Variants in MORN5 observed in about 807,000 individuals in gnomAD.
The protein encoded by MORN5 is MORN repeat-containing protein 5.
Under a neutral mutation model 22.1 loss-of-function variants are expected in MORN5, and 21 were observed. That is an observed-to-expected ratio of 0.95 (90% CI 0.67 to 1.37). The LOEUF is 1.37. Ranked by LOEUF, MORN5 falls within the 40% of genes most tolerant of loss-of-function variation. The pLI, the probability that MORN5 is intolerant of heterozygous loss-of-function variation, is 0.00. For missense variants in MORN5, 211 were observed against 215.1 expected (o/e 0.98, Z 0.12); for synonymous variants, 73 against 74.0 (o/e 0.99, Z 0.07).
chr9:122,174,987 C>T, intron 4 of MORN5: 1 of 544,106 alleles, frequency 1.8e-6, no homozygotes, highest in Non-Finnish European at 2.3e-6. Flanking sequence ...GACACAGCCC[C>T]CCTTCCTTGT....
chr9:122,189,440 A>T (rs935811400), intron 4 of MORN5, among the ~76,000 whole-genome samples: 1 of 151,846 alleles, frequency 6.6e-6, no homozygotes, highest in African/African-American at 2.4e-5. Flanking sequence ...CAAAAAAAAG[A>T]TTTTTTTAAA....
In MORN5 at chr9:122,166,933, C is replaced by T. The variant is rs775334257; in HGVS notation, c.195+18C>T. On this transcript the variant is annotated intron_variant, in intron 2 of 4. Coordinates refer to ENST00000373764, the MANE Select transcript of MORN5 (RefSeq NM_198469.4). ...CCATAAAGGTGATCAGCTGGGGGGA[C>T]GGATGCTGTGGAGGAGAGATCCTCA... 4.4e-5 allele frequency: 70 copies of T among 1,606,886 alleles called. 1 individual carries two copies. Among genetic ancestry groups the T allele is most frequent in the South Asian group, 3.0e-4 (27 of 89,824 alleles).
At chr9:122,174,677 G>C (rs1240380460) in intron 4 of MORN5, 50 bp downstream of exon 4, 1 of 1,612,642 alleles carries the variant, frequency 6.2e-7, no homozygotes, top group East Asian at 2.2e-5. Context: ...CCACATATGA[G>C]TATGTGCATC....
At chr9:122,186,919 G>T (rs1301559935) in intron 4 of MORN5, among the ~76,000 whole-genome samples, 1 of 152,192 alleles carries the variant, frequency 6.6e-6, no homozygotes, top group African/African-American at 2.4e-5. Flanking sequence ...GGCGGACAGG[G>T]TCACAGGCAG....
At chr9:122,199,604 C>T (rs1829967971) in intron 4 of MORN5, among the ~76,000 whole-genome samples, 1 of 152,222 alleles carries the variant, frequency 6.6e-6, no homozygotes, top group Admixed American at 6.5e-5. Flanking sequence ...CAGCTGCTCT[C>T]TGCCTGTCAG....
At chr9:122,165,395 C>CAAAAAAA (rs59306308) in intron 1 of MORN5, among the ~76,000 whole-genome samples, 7 of 82,992 alleles carry the variant, frequency 8.4e-5, no homozygotes, top group African/African-American at 2.9e-4. Context: ...CCCGTCTCTA[C>CAAAAAAA]AAAAAAAAAA....
chr9:122,198,410 G>A (rs1344111636), intron 4 of MORN5, among the ~76,000 whole-genome samples: 2 of 152,190 alleles, frequency 1.3e-5, no homozygotes, highest in African/African-American at 4.8e-5. Context: ...CTCTTAGGCA[G>A]GAGGCACTGG....
chr9:122,176,859 T>A (rs1356824474), intron 4 of MORN5, among the ~76,000 whole-genome samples: 1 of 152,046 alleles, frequency 6.6e-6, no homozygotes, highest in Non-Finnish European at 1.5e-5. Context: ...GCCCGGGTGA[T>A]AGTGTGATTC....
chr9:122,173,280 G>A (rs1018528147), intron 3 of MORN5, among the ~76,000 whole-genome samples: 3 of 152,182 alleles, frequency 2.0e-5, no homozygotes, highest in East Asian at 1.9e-4. Context: ...AGGGCAACTC[G>A]CCCTGCCTGC....
chr9:122,175,794 A>T, intron 4 of MORN5: 1 of 785,858 alleles, frequency 1.3e-6, no homozygotes, highest in Non-Finnish European at 1.5e-6. Context: ...AGTGATGACC[A>T]GAAAGGTGCC....
chr9:122,174,900 A>C (rs541826944), intron 4 of MORN5: 1 of 1,265,162 alleles, frequency 7.9e-7, no homozygotes, highest in Non-Finnish European at 1.0e-6. Context: ...TTTTGTATGC[A>C]TTCCTTCGAT....
intron 3 of MORN5, among the ~76,000 whole-genome samples, chr9:122,173,631 A>G (rs1829398880): frequency 6.6e-6 from 1 of 152,030 alleles, no homozygotes; most frequent in Non-Finnish European, 1.5e-5. Context: ...ATTTATTCCA[A>G]CCTCTCCCTT....
chr9:122,164,388 G>T (rs931821731), intron 1 of MORN5, among the ~76,000 whole-genome samples: 2 of 152,212 alleles, frequency 1.3e-5, no homozygotes, highest in South Asian at 2.1e-4. Flanking sequence ...CAGTGAAGCT[G>T]CAGGAAAGAG....
At chr9:122,172,470 A>G (rs1375186024) in intron 3 of MORN5, among the ~76,000 whole-genome samples, 2 of 152,078 alleles carry the variant, frequency 1.3e-5, no homozygotes, top group Non-Finnish European at 2.9e-5. Context: ...TGTTTCTCAA[A>G]GAGACCACAC....
At chr9:122,174,876 A>G in intron 4 of MORN5, 1 of 1,298,908 alleles carries the variant, frequency 7.7e-7, no homozygotes, top group Non-Finnish European at 9.8e-7. Flanking sequence ...CACTGAAAGG[A>G]TTAAGGTACT....
In MORN5 at chr9:122,172,939, A is replaced by G. The variant is rs143613310; in HGVS notation, c.308-1557A>G. Among the ~76,000 whole-genome samples the G allele has an allele frequency of 4.7e-3, 720 of 152,310 alleles. 8 individuals are homozygous for G. Among genetic ancestry groups the G allele is most frequent in the Non-Finnish European group, 5.6e-3 (380 of 68,016 alleles). On this transcript the variant is annotated intron_variant, in intron 3 of 4. Coordinates refer to ENST00000373764, the MANE Select transcript of MORN5 (RefSeq NM_198469.4). ...TCATCTCTCCCTTCAAAGAGCTGCC[A>G]GTCTAGCTGCAGCTTGAGAACCTTG...
intron 2 of MORN5, 109 bp downstream of exon 2, chr9:122,167,024 C>A: frequency 3.0e-6 from 3 of 1,013,066 alleles, no homozygotes; most frequent in Non-Finnish European, 4.1e-6. Context: ...GTTCCATTCA[C>A]TCTTCTCTTT....
intron 2 of MORN5, 29 bp downstream of exon 2, chr9:122,166,944 G>A (rs1194826239): frequency 1.9e-6 from 3 of 1,602,284 alleles, no homozygotes; most frequent in East Asian, 2.2e-5. Flanking sequence ...GGATGCTGTG[G>A]AGGAGAGATC....
rs575241607 is a variant in MORN5 at position 122,199,418 on chromosome 9, G to C, written c.440-467G>C. ...ACTGAAAGGCCTGGAGTAAACAAGA[G>C]GGTGTTAGTCCCCTGGAGAAACCAT... On this transcript the variant is annotated intron_variant, in intron 4 of 4. Transcript: ENST00000373764. 2.6e-5 allele frequency among the ~76,000 whole-genome samples: 4 copies of C among 152,300 alleles called. No homozygotes were observed. In the East Asian group the frequency reaches 7.7e-4, roughly 29 times the overall value.
Sources: allele counts gnomAD v4.1 joint callset (sites outside exome capture counted in the v4.1 genomes callset), GRCh38; gene constraint gnomAD v4.1.1; transcripts MANE v1.5; gene names NCBI Gene and HGNC (gene_info 2026-07-23, HGNC 2026-07-21).